OTOF: variants seen among roughly 807,000 people sequenced by gnomAD.
OTOF encodes fer-1-like family member 2.
In OTOF, 218 loss-of-function variants were observed where a neutral mutation model predicts 236.8. The ratio of observed to expected loss-of-function variants is 0.92; its 90% CI spans 0.82 to 1.03. The LOEUF is 1.03. OTOF is among the 50% of genes least tolerant of loss of function. The pLI, the probability that OTOF is intolerant of heterozygous loss-of-function variation, is 0.00. For synonymous variants in OTOF, 1,041 were observed against 1,072.5 expected, an observed-to-expected ratio of 0.97 and a Z score of 0.57; for missense variants, 2,590 against 2,694.4, an observed-to-expected ratio of 0.96 and a Z score of 0.86.
chr2:26,555,238 A>G (rs1287555022), intron 1 of OTOF, among the ~76,000 whole-genome samples: 1 of 152,210 alleles, frequency 6.6e-6, no homozygotes, highest in African/African-American at 2.4e-5. Flanking sequence ...TGGGAACTGC[A>G]GGCCTCTGAG....
chr2:26,544,014 C>T (rs998022971), intron 1 of OTOF, among the ~76,000 whole-genome samples: 5 of 152,242 alleles, frequency 3.3e-5, no homozygotes, highest in African/African-American at 1.2e-4. Flanking sequence ...GGCCACTGCG[C>T]CCAGCTTGCT....
intron 36 of OTOF, 50 bp downstream of exon 36, chr2:26,466,664 G>T (rs1330749203): frequency 6.2e-7 from 1 of 1,606,786 alleles, no homozygotes; most frequent in Admixed American, 1.7e-5. Flanking sequence ...CTCTCTCCCA[G>T]ATGGGAGGAT....
Position 26,462,181 on chromosome 2 carries a change from C to G in OTOF, c.5193G>C (p.Lys1731Asn). 1 of 1,613,988 alleles carries G rather than the reference C, an allele frequency of 6.2e-7. No homozygotes were observed. The highest frequency in any genetic ancestry group is 1.1e-5 in the South Asian group (1 of 91,076). ...PLDISPRKPK[K>N]YELRVIIWNT... ...TCCAGATGATGACCCGCAGCTCGTA[C>G]CTGGGCCCAGGGAGAGAAGGCTGGT... The change falls in exon 42 of 47, where the codon AAG becomes AAC. Residue 1731 changes from lysine (K) to asparagine (N), a missense_variant and splice_region_variant. By Grantham distance (94) the Lys-to-Asn change is moderately conservative. This residue lies in a region of OTOF where 1,211 missense variants were observed against 1,352.8 expected (regional missense o/e 0.90). Transcript: ENST00000272371. The surrounding 1 kb of genome is among the most constrained non-coding windows in gnomAD (Gnocchi z 4.7).
chr2:26,522,246 A>G (rs1666694723), intron 3 of OTOF, among the ~76,000 whole-genome samples: 1 of 152,230 alleles, frequency 6.6e-6, no homozygotes, highest in South Asian at 2.1e-4. Context: ...TGGACAATTG[A>G]TATTATCTCA....
intron 2 of OTOF, among the ~76,000 whole-genome samples, chr2:26,529,087 G>A (rs1202237619): frequency 1.3e-5 from 2 of 152,138 alleles, no homozygotes; most frequent in Admixed American, 1.3e-4. Context: ...GATGTGGAGG[G>A]CCTCAGCAGG....
intron 38 of OTOF, 112 bp downstream of exon 38, chr2:26,465,560 G>A: frequency 1.7e-6 from 2 of 1,195,374 alleles, no homozygotes; most frequent in Non-Finnish European, 2.4e-6. Context: ...GGCCTGGCCT[G>A]GGACAGAAAC....
At chr2:26,498,160 T>C (rs1666034779) in intron 8 of OTOF, among the ~76,000 whole-genome samples, 2 of 152,202 alleles carry the variant, frequency 1.3e-5, no homozygotes. Flanking sequence ...GTCCCCCTTT[T>C]CAGGCCTCAT....
chr2:26,463,944 C>T lies in OTOF; in HGVS notation c.5103+20G>A. Reference sequence around the variant, plus strand: ...GTCCCCAATACCCAAGAACCCCAGTCTTGGCCATGCAAGTGTCACCTGCTC... The same window carrying T: ...GTCCCCAATACCCAAGAACCCCAGTTTTGGCCATGCAAGTGTCACCTGCTC... On this transcript the variant is annotated intron_variant, in intron 40 of 46. Coordinates refer to ENST00000272371, the MANE Select transcript of OTOF (RefSeq NM_194248.3). 1 of 1,612,278 alleles carries T rather than the reference C, an allele frequency of 6.2e-7. No homozygotes were observed. The highest frequency in any genetic ancestry group is 8.5e-7 in the Non-Finnish European group (1 of 1,178,744).
At chr2:26,505,079 G>A (rs1189088164) in intron 5 of OTOF, among the ~76,000 whole-genome samples, 2 of 151,974 alleles carry the variant, frequency 1.3e-5, no homozygotes, top group East Asian at 3.9e-4. Flanking sequence ...AGGATTGTGG[G>A]GCCAATCTTA....
rs944906079 is a variant in OTOF, at chr2:26,460,354, C to T, written c.5814-149G>A. On this transcript the variant is annotated intron_variant, in intron 45 of 46. Coordinates refer to ENST00000272371, the MANE Select transcript of OTOF (RefSeq NM_194248.3). The surrounding 1 kb of genome is among the most constrained non-coding windows in gnomAD (Gnocchi z 5.3). Reference sequence around the variant, plus strand: ...TGGCCATCAAGGCTGGCCATGGCCCCAGAGGCCACCACTGGAGCTGGCTCT... The same window carrying T: ...TGGCCATCAAGGCTGGCCATGGCCCTAGAGGCCACCACTGGAGCTGGCTCT... 1.1e-5 allele frequency: 8 copies of T among 703,286 alleles called. No homozygotes were observed. Among genetic ancestry groups the T allele is most frequent in the Non-Finnish European group, 2.0e-5 (8 of 406,264 alleles). 43.6% of individuals were successfully genotyped at this position (703,286 alleles called of 1,614,324 possible). A position where few individuals can be genotyped will look rare whatever the true frequency, so the allele number is the denominator to read the frequency against.
intron 1 of OTOF, among the ~76,000 whole-genome samples, chr2:26,554,679 T>A (rs137865024): frequency 2.5e-4 from 38 of 151,256 alleles, no homozygotes; most frequent in Non-Finnish European, 5.0e-4. Flanking sequence ...AGAAATATGA[T>A]CGATGTCTCA....
intron 1 of OTOF, among the ~76,000 whole-genome samples, chr2:26,541,777 T>C: frequency 6.6e-6 from 1 of 152,226 alleles, no homozygotes; most frequent in East Asian, 1.9e-4. Flanking sequence ...TCCAATCACC[T>C]TTCTTGCCAC....
Position 26,457,884 on chromosome 2 carries a change from G to T in OTOF, c.*354C>A. 1 of 746,028 alleles carries T rather than the reference G, an allele frequency of 1.3e-6. No individual in the cohort carries two copies. Among genetic ancestry groups the T allele is most frequent in the African/African-American group, 1.7e-5 (1 of 57,268 alleles). 46.2% of individuals were successfully genotyped at this position (746,028 alleles called of 1,614,324 possible). ...GCAAGCCGCAGCCTGGGGCAGTGAG[G>T]ACAGGCGGCCCCCGCAAGCAGGAGG... On this transcript the variant is annotated 3_prime_UTR_variant, in exon 47 of 47. Coordinates refer to ENST00000272371, the MANE Select transcript of OTOF (RefSeq NM_194248.3). This position sits in a 1 kb window ranked among gnomAD's most constrained non-coding sequence, Gnocchi z 4.4.
chr2:26,532,928 A>C (rs902213618), intron 2 of OTOF, among the ~76,000 whole-genome samples: 4 of 152,172 alleles, frequency 2.6e-5, no homozygotes, highest in Non-Finnish European at 5.9e-5. Flanking sequence ...GGACAGGGCT[A>C]TAGGTTTGGG....
chr2:26,519,046 A>G lies in OTOF; in HGVS notation c.291T>C (p.Thr97=). Reference sequence around the variant, plus strand: ...CATTGTTGTCATCAATCAGCGTGTCAGTCACCTCCACATGGCTCTCCTCTA... The same window carrying G: ...CATTGTTGTCATCAATCAGCGTGTCGGTCACCTCCACATGGCTCTCCTCTA... ...KVVEESHVEV[T]DTLIDDNNAI... Residue 97 remains threonine, a synonymous_variant, in exon 4 of 47, where the codon ACT becomes ACC. Coordinates refer to ENST00000272371, the MANE Select transcript of OTOF (RefSeq NM_194248.3). The G allele has an allele frequency of 1.2e-6, 2 of 1,610,314 alleles. No individual in the cohort carries two copies. Among genetic ancestry groups the G allele is most frequent in the Non-Finnish European group, 1.7e-6 (2 of 1,177,912 alleles).
chr2:26,469,611 G>C (rs1572414418), intron 32 of OTOF, among the ~76,000 whole-genome samples: 1 of 152,280 alleles, frequency 6.6e-6, no homozygotes. Context: ...ACTTGAATTA[G>C]AACATGATGT....
At chr2:26,555,928 C>T (rs1388400407) in intron 1 of OTOF, among the ~76,000 whole-genome samples, 1 of 152,166 alleles carries the variant, frequency 6.6e-6, no homozygotes, top group Non-Finnish European at 1.5e-5. Context: ...ATTATCATGC[C>T]CATTTTACAG....
rs727504937 is a variant in OTOF, at chr2:26,460,151, G to T, written c.5868C>A (p.Tyr1956Ter). Residue 1956 changes from tyrosine to a stop codon, truncating the protein, a stop_gained, in exon 46 of 47, where the codon TAC (tyrosine) becomes TAA (stop). Transcript: ENST00000272371. LOFTEE classifies it high-confidence loss of function. This position sits in a 1 kb window ranked among gnomAD's most constrained non-coding sequence, Gnocchi z 5.3. Reference protein sequence around the residue: ...WFLNPLKSARYFLWHTYRWLL... With the variant: ...WFLNPLKSAR ...GCCAGCGATACGTGTGCCACAAGAA[G>T]TAGCGAGCCGACTTGAGAGGGTTCA... 14 of 1,603,324 alleles carry T rather than the reference G, an allele frequency of 8.7e-6. No individual in the cohort carries two copies. The highest frequency in any genetic ancestry group is 1.3e-5 in the African/African-American group (1 of 74,788).
At position 26,530,966 on chromosome 2, in the gene OTOF, G is replaced by A. The variant is rs1036126652; in HGVS notation, c.139-3046C>T. 2.6e-5 allele frequency among the ~76,000 whole-genome samples: 4 copies of A among 152,218 alleles called. No individual in the cohort carries two copies. The East Asian group carries it at 7.7e-4, about 29-fold the overall frequency. On this transcript the variant is annotated intron_variant, in intron 2 of 46. Coordinates refer to ENST00000272371, the MANE Select transcript of OTOF (RefSeq NM_194248.3). Reference sequence around the variant, plus strand: ...TTACTCCCATTTGGCCTCCCTGGAAGTAGAGGCATGGGCTGTAAGAAGGAG... The same window carrying A: ...TTACTCCCATTTGGCCTCCCTGGAAATAGAGGCATGGGCTGTAAGAAGGAG...
Sources: allele counts gnomAD v4.1 joint callset (sites outside exome capture counted in the v4.1 genomes callset), GRCh38; gene constraint gnomAD v4.1.1; regional missense constraint gnomAD v4.1.1; non-coding constraint Gnocchi (gnomAD v3.1); transcripts MANE v1.5; gene names NCBI Gene and HGNC (gene_info 2026-07-23, HGNC 2026-07-21).